The following WDR93 variants were observed in gnomAD, a reference collection of about 807,000 sequenced individuals.
The protein encoded by WDR93 is WD repeat-containing protein 93.
In WDR93, 73 loss-of-function variants were observed where a neutral mutation model predicts 82.9. The ratio of observed to expected loss-of-function variants is 0.88; its 90% CI spans 0.73 to 1.07. WDR93 has a LOEUF of 1.07. Ranked by LOEUF, WDR93 falls within the 50% of genes least tolerant of loss-of-function variation. The pLI is 0.00. For missense variants in WDR93, 738 were observed against 826.0 expected, an observed-to-expected ratio of 0.89 and a Z score of 1.31; for synonymous variants, 283 against 300.1, an observed-to-expected ratio of 0.94 and a Z score of 0.59.
rs1966499107 is a variant in WDR93 at position 89,720,938 on chromosome 15, A to G, written c.796-1117A>G. ...GAAAAAGGAGTCTCTAAGATTGTAG[A>G]TTTATCTTTTTCTTCTTTCACTCTT... On this transcript the variant is annotated intron_variant, in intron 7 of 16. Transcript: ENST00000268130. Among the ~76,000 whole-genome samples, 3 of 137,884 alleles carry G rather than the reference A, an allele frequency of 2.2e-5. No homozygotes were observed. In the South Asian group the frequency reaches 7.1e-4, roughly 33 times the overall value. The allele number at this position is 137,884 out of a possible 152,430, so 90.5% of individuals were successfully genotyped here. A position where few individuals can be genotyped will look rare whatever the true frequency, so the allele number is the denominator to read the frequency against.
rs1966549850 is a variant in WDR93, at chr15:89,722,056, A to T, written c.797A>T (p.Asp266Val). 1.3e-6 allele frequency: 2 copies of T among 1,594,130 alleles called. No individual in the cohort carries two copies. Among genetic ancestry groups the T allele is most frequent in the Admixed American group, 1.7e-5 (1 of 58,022 alleles). ...GPISADPLEM[D>V]ANVSFKGDIK... The stretch of plus-strand genomic sequence containing the variant: ...AACTATGCCTTTTCCTTGTTTTAGG[A>T]TGCAAATGTTAGTTTTAAAGGAGAC... Residue 266 changes from aspartate (D) to valine (V), a missense_variant and splice_region_variant, in exon 8 of 17, where the codon GAT (aspartate) becomes GTT (valine). Coordinates refer to ENST00000268130, the MANE Select transcript of WDR93 (RefSeq NM_020212.2).
At chr15:89,711,741 C>T (rs1044517886) in intron 4 of WDR93, among the ~76,000 whole-genome samples, 3 of 152,170 alleles carry the variant, frequency 2.0e-5, no homozygotes, top group Non-Finnish European at 4.4e-5. Flanking sequence ...AGGGTTTGCA[C>T]ACCTGACGAG....
chr15:89,739,115 CAAA>C (rs763514909), intron 16 of WDR93, among the ~76,000 whole-genome samples: 2,375 of 127,184 alleles, frequency 0.019, 75 homozygotes, highest in African/African-American at 0.062. Context: ...GACCCTGCCT[CAAA>C]AAAAAAAAAA....
At chr15:89,736,463 C>G (rs148529680) in intron 14 of WDR93, among the ~76,000 whole-genome samples, 19 of 152,176 alleles carry the variant, frequency 1.2e-4, no homozygotes, top group Admixed American at 5.2e-4. Context: ...ACAGCAGGTT[C>G]CCCTTGTTAA....
chr15:89,709,592 C>A (rs895498488), intron 4 of WDR93, among the ~76,000 whole-genome samples: 3 of 151,326 alleles, frequency 2.0e-5, no homozygotes, highest in Non-Finnish European at 2.9e-5. Context: ...AAAAGACAAC[C>A]CAATAAAAAA....
At chr15:89,735,604 C>G in intron 14 of WDR93, 51 bp downstream of exon 14, 1 of 1,554,982 alleles carries the variant, frequency 6.4e-7, no homozygotes, top group African/African-American at 1.4e-5. Context: ...CATTTCTCTT[C>G]TGTGAATGTG....
chr15:89,702,036 T>G lies in WDR93; in HGVS notation c.290T>G (p.Leu97Arg). 1 of 1,609,222 alleles carries G rather than the reference T, an allele frequency of 6.2e-7. No individual in the cohort carries two copies. Among genetic ancestry groups the G allele is most frequent in the Admixed American group, 1.7e-5 (1 of 59,944 alleles). Reference sequence around the variant, plus strand: ...ATCCAGCCCACCGTCTACCCTCCACTTGGAGAAATCCAGGTATGGAGTAAG... The same window carrying G: ...ATCCAGCCCACCGTCTACCCTCCACGTGGAGAAATCCAGGTATGGAGTAAG... ...SQIQPTVYPPLGEIQLNKMPN... is the reference protein window; with the variant it reads ...SQIQPTVYPPRGEIQLNKMPN... Residue 97 changes from leucine to arginine, a missense_variant, in exon 2 of 17, where the codon CTT becomes CGT. Coordinates refer to ENST00000268130, the MANE Select transcript of WDR93 (RefSeq NM_020212.2).
intron 6 of WDR93, 47 bp from the exon 7 acceptor site, chr15:89,716,864 A>T (rs1399569791): frequency 7.4e-7 from 1 of 1,347,954 alleles, no homozygotes; most frequent in South Asian, 1.3e-5. Context: ...GGGGTGGTAA[A>T]CATACATCAA....
intron 4 of WDR93, among the ~76,000 whole-genome samples, chr15:89,709,241 A>C (rs895530241): frequency 6.6e-6 from 1 of 152,184 alleles, no homozygotes; most frequent in African/African-American, 2.4e-5. Flanking sequence ...AGAAAATCCT[A>C]AACCCCACTG....
chr15:89,716,810 C>G (rs1197933171), intron 6 of WDR93, 101 bp from the exon 7 acceptor site: 5 of 845,100 alleles, frequency 5.9e-6, no homozygotes, highest in African/African-American at 3.6e-5. Context: ...AATTCACTCA[C>G]AAGAGTAATT....
intron 8 of WDR93, among the ~76,000 whole-genome samples, chr15:89,723,865 A>C (rs1966624930): frequency 1.3e-5 from 2 of 152,208 alleles, no homozygotes; most frequent in Admixed American, 1.3e-4. Context: ...GTAGAAGTAA[A>C]TATATGAAAG....
At chr15:89,690,757 C>G (rs1251214905), upstream of WDR93, 2 of 610,208 alleles carry the variant, frequency 3.3e-6, no homozygotes, top group Non-Finnish European at 5.6e-6. Flanking sequence ...AGTCTCTCCG[C>G]CCCAGAGGGG....
At chr15:89,708,387 C>T (rs1056148851) in intron 4 of WDR93, among the ~76,000 whole-genome samples, 2 of 152,096 alleles carry the variant, frequency 1.3e-5, no homozygotes, top group Admixed American at 1.3e-4. Flanking sequence ...CACCTCCACC[C>T]GTCCTAGTGA....
At chr15:89,736,610 G>A (rs992591534) in intron 14 of WDR93, among the ~76,000 whole-genome samples, 1 of 152,050 alleles carries the variant, frequency 6.6e-6, no homozygotes, top group Admixed American at 6.6e-5. Context: ...AGAGAGGAGA[G>A]TCTAAAGAAA....
At chr15:89,731,614 G>T in intron 12 of WDR93, 52 bp downstream of exon 12, 2 of 1,610,062 alleles carry the variant, frequency 1.2e-6, no homozygotes, top group Non-Finnish European at 1.7e-6. Context: ...TCTGGGCAAT[G>T]AGTCTGGGAG....
intron 8 of WDR93, among the ~76,000 whole-genome samples, chr15:89,724,810 C>A (rs1966667945): frequency 6.6e-6 from 1 of 152,116 alleles, no homozygotes; most frequent in Non-Finnish European, 1.5e-5. Context: ...ACTGACCACA[C>A]CAAGTGATGG....
At chr15:89,741,733 T>G (rs1232049868) in intron 16 of WDR93, among the ~76,000 whole-genome samples, 2 of 152,090 alleles carry the variant, frequency 1.3e-5, no homozygotes, top group Non-Finnish European at 2.9e-5. Context: ...GTTATATAAA[T>G]CTAAATATAA....
rs371980510 is a variant in WDR93, at chr15:89,716,997, T to C, written c.795+48T>C. Reference sequence around the variant, plus strand: ...TCCAGAGAGACTTAAGTTTGTATTTTAGAGATTTTTTAAAAATTATTATTT... The same window carrying C: ...TCCAGAGAGACTTAAGTTTGTATTTCAGAGATTTTTTAAAAATTATTATTT... On this transcript the variant is annotated intron_variant, in intron 7 of 16. Coordinates refer to ENST00000268130, the MANE Select transcript of WDR93 (RefSeq NM_020212.2). The C allele has an allele frequency of 3.2e-5, 38 of 1,173,186 alleles. No individual in the cohort carries two copies. The African/African-American group carries it at 4.8e-4, about 15-fold the overall frequency. 72.7% of individuals were successfully genotyped at this position (1,173,186 alleles called of 1,614,324 possible). A position where few individuals can be genotyped will look rare whatever the true frequency, so the allele number is the denominator to read the frequency against.
chr15:89,720,659 C>T (rs147091309), intron 7 of WDR93, among the ~76,000 whole-genome samples: 6 of 152,210 alleles, frequency 3.9e-5, no homozygotes, highest in Non-Finnish European at 7.4e-5. Flanking sequence ...TCATAAAATC[C>T]GTTGTGATCA....
Sources: gnomAD v4.1 joint callset for allele counts (sites outside exome capture counted in the v4.1 genomes callset) on GRCh38, gnomAD v4.1.1 for gene constraint, MANE v1.5 for transcripts, NCBI Gene and HGNC (gene_info 2026-07-23, HGNC 2026-07-21) for gene names.